NRXN1: variants seen among roughly 807,000 people sequenced by gnomAD.
NRXN1 encodes the protein neurexin 1.
NRXN1 carries 39 observed loss-of-function variants against 150.9 expected under a neutral mutation model. That is an observed-to-expected ratio of 0.26 (90% CI 0.20 to 0.34). NRXN1 has a LOEUF of 0.34. NRXN1 is among the 10% of genes least tolerant of loss of function. The probability of loss-of-function intolerance (pLI) is 1.00; values close to 1 mark genes in which losing one functional copy is unlikely to be tolerated. For synonymous variants in NRXN1, 924 were observed against 757.0 expected, an observed-to-expected ratio of 1.22 and a Z score of -3.62; for missense variants, 1,815 against 1,949.9, an observed-to-expected ratio of 0.93 and a Z score of 1.30.
intron 17 of NRXN1, among the ~76,000 whole-genome samples, chr2:50,246,777 G>C (rs939069074): frequency 5.3e-5 from 8 of 151,956 alleles, no homozygotes; most frequent in Non-Finnish European, 1.5e-5. Flanking sequence ...TCCAGCCAAG[G>C]TTAATTCTCG....
intron 9 of NRXN1, among the ~76,000 whole-genome samples, chr2:50,544,870 T>C (rs1401604597): frequency 6.6e-6 from 1 of 152,160 alleles, no homozygotes; most frequent in Non-Finnish European, 1.5e-5. Context: ...CATAGAGAAA[T>C]GCCTAAATAT....
At chr2:50,329,653 A>G (rs1488812477) in intron 17 of NRXN1, among the ~76,000 whole-genome samples, 4 of 13,792 alleles carry the variant, frequency 2.9e-4, no homozygotes, top group Admixed American at 1.2e-3. Flanking sequence ...ATATATATAT[A>G]TATATATATA....
intron 8 of NRXN1, among the ~76,000 whole-genome samples, chr2:50,598,021 C>T (rs1333642326): frequency 6.6e-6 from 1 of 152,054 alleles, no homozygotes; most frequent in Non-Finnish European, 1.5e-5. Context: ...CACCTGTAAT[C>T]CCAGCTACTC....
At chr2:50,553,842 T>C (rs1305205372) in intron 8 of NRXN1, among the ~76,000 whole-genome samples, 1 of 152,222 alleles carries the variant, frequency 6.6e-6, no homozygotes, top group African/African-American at 2.4e-5. Flanking sequence ...CCTAAGGCTT[T>C]TTGGATTCCA....
chr2:50,653,421 T>C (rs1357096606), intron 5 of NRXN1, among the ~76,000 whole-genome samples: 1 of 152,050 alleles, frequency 6.6e-6, no homozygotes, highest in Non-Finnish European at 1.5e-5. Context: ...GTTTAGTTGC[T>C]GTGATTGATT....
chr2:50,778,625 G>A lies in NRXN1; in HGVS notation c.832+143244C>T, dbSNP rs149303637. Among the ~76,000 whole-genome samples the A allele has an allele frequency of 4.4e-3, 670 of 152,246 alleles. 5 individuals carry two copies. Among genetic ancestry groups the A allele is most frequent in the African/African-American group, 0.015 (644 of 41,552 alleles). ...GATGACATTTGAGATAATTTTGAAT[G>A]ATTCCTGGGATCCTGGTAGGAGAAA... On this transcript the variant is annotated intron_variant, in intron 5 of 22. Transcript: ENST00000401669.
chr2:50,839,014 G>A (rs149392819), intron 5 of NRXN1, among the ~76,000 whole-genome samples: 10 of 152,230 alleles, frequency 6.6e-5, no homozygotes, highest in Non-Finnish European at 1.0e-4. Flanking sequence ...CTAGAATCAA[G>A]AGCCTGGTTT....
At chr2:50,453,492 A>G (rs987362973) in intron 17 of NRXN1, among the ~76,000 whole-genome samples, 4 of 152,110 alleles carry the variant, frequency 2.6e-5, no homozygotes, top group Non-Finnish European at 5.9e-5. Context: ...CCAACAACCA[A>G]TTTGTTCTGT....
At chr2:50,802,193 T>C (rs1414486098) in intron 5 of NRXN1, among the ~76,000 whole-genome samples, 2 of 152,212 alleles carry the variant, frequency 1.3e-5, no homozygotes, top group African/African-American at 2.4e-5. Context: ...TGTGAACTTA[T>C]TTGAAAATAG....
At chr2:50,419,723 T>A (rs973303426) in intron 17 of NRXN1, among the ~76,000 whole-genome samples, 9 of 152,078 alleles carry the variant, frequency 5.9e-5, no homozygotes, top group Non-Finnish European at 1.2e-4. Flanking sequence ...TTATCCTTTG[T>A]AATGTAAAAA....
chr2:50,223,340 T>C (rs1574585030), intron 18 of NRXN1, among the ~76,000 whole-genome samples: 1 of 151,892 alleles, frequency 6.6e-6, no homozygotes. Flanking sequence ...TCCAGAAACA[T>C]CCCCAGCCAC....
Position 50,347,772 on chromosome 2 carries a change from C to T in NRXN1, c.3365-110802G>A, listed in dbSNP as rs2078147437. ...AGAAAAAAAGAAAAGAAAAACCACA[C>T]ACGCTGGTGAAGCAAGGGGCTCTAT... On this transcript the variant is annotated intron_variant, in intron 17 of 22. Transcript: ENST00000401669. The surrounding 1 kb of genome is among the most constrained non-coding windows in gnomAD (Gnocchi z 4.9). The T allele has an allele frequency of 1.0e-6, 1 of 986,756 alleles. No individual in the cohort carries two copies. Among genetic ancestry groups the T allele is most frequent in the Non-Finnish European group, 1.2e-6 (1 of 830,966 alleles). The allele number at this position is 986,756 out of a possible 1,614,324, so 61.1% of individuals were successfully genotyped here.
At chr2:50,484,167 CA>C (rs2090698939) in intron 15 of NRXN1, among the ~76,000 whole-genome samples, 1 of 152,060 alleles carries the variant, frequency 6.6e-6, no homozygotes, top group African/African-American at 2.4e-5. Context: ...AAAGCACACA[CA>C]AAAAAACTTA....
At chr2:50,528,778 T>C in intron 11 of NRXN1, 127 bp from the exon 12 acceptor site, 2 of 591,574 alleles carry the variant, frequency 3.4e-6, no homozygotes, top group South Asian at 4.5e-5. Context: ...TCCATATCAT[T>C]ATTCTTTACA....
At chr2:50,667,622 A>G (rs993116780) in intron 5 of NRXN1, among the ~76,000 whole-genome samples, 2 of 151,916 alleles carry the variant, frequency 1.3e-5, no homozygotes, top group African/African-American at 2.4e-5. Flanking sequence ...TTCTCCTTAT[A>G]TCCATCCTTT....
At chr2:50,049,487 C>G (rs967992398) in intron 21 of NRXN1, among the ~76,000 whole-genome samples, 3 of 152,122 alleles carry the variant, frequency 2.0e-5, no homozygotes, top group African/African-American at 7.2e-5. Context: ...GAAACCAGGT[C>G]TCCTCATTCA....
At chr2:50,581,741 C>G (rs1393039470) in intron 8 of NRXN1, among the ~76,000 whole-genome samples, 1 of 152,120 alleles carries the variant, frequency 6.6e-6, no homozygotes, top group Non-Finnish European at 1.5e-5. Context: ...TGGGCAGCTA[C>G]CTGTTCTGGA....
chr2:50,542,089 C>G (rs1048209164), intron 9 of NRXN1, among the ~76,000 whole-genome samples: 18 of 152,098 alleles, frequency 1.2e-4, no homozygotes, highest in African/African-American at 4.3e-4. Flanking sequence ...CGAGACCAGC[C>G]TGACCAACAT....
In NRXN1 at chr2:49,920,633, A is replaced by ATAAAT. The variant is rs1668025685; in HGVS notation, c.*1306_*1310dup. ...TTCCTTCCTGCTTTTCAATTTGTCA[A>ATAAAT]TAAATATTTGCTACTGTATGCACGT... On this transcript the variant is annotated 3_prime_UTR_variant, in exon 23 of 23. Coordinates refer to ENST00000401669, the MANE Select transcript of NRXN1 (RefSeq NM_001330078.2). The ATAAAT allele has an allele frequency of 6.6e-6, 1 of 152,258 alleles. No homozygotes were observed. The highest frequency in any genetic ancestry group is 1.5e-5 in the Non-Finnish European group (1 of 68,014). 9.4% of individuals were successfully genotyped at this position (152,258 alleles called of 1,614,324 possible).
Sources: gnomAD v4.1 joint callset for allele counts (sites outside exome capture counted in the v4.1 genomes callset) on GRCh38, gnomAD v4.1.1 for gene constraint, Gnocchi (gnomAD v3.1) non-coding constraint, MANE v1.5 for transcripts, NCBI Gene and HGNC (gene_info 2026-07-23, HGNC 2026-07-21) for gene names.